The following ETS2 variants were observed in gnomAD, a reference collection of about 807,000 sequenced individuals.
The protein encoded by ETS2 is ETS proto-oncogene 2, transcription factor, also known as protein C-ets-2.
ETS2 carries 19 observed loss-of-function variants against 54.9 expected under a neutral mutation model. The observed-to-expected ratio is 0.35, with a 90% CI of 0.24 to 0.51. The LOEUF (loss-of-function observed/expected upper bound fraction) is 0.51. ETS2 is among the 20% of genes least tolerant of loss of function. ETS2 has a pLI of 0.97. For missense variants in ETS2, 417 were observed against 593.0 expected (o/e 0.70, Z 3.08); for synonymous variants, 219 against 229.3 (o/e 0.95, Z 0.41).
In ETS2 at chr21:38,806,375, G is replaced by T. The variant is rs2060893057; in HGVS notation, c.-1+255G>T. ...CGGGGGGTTCCTGCGTGCTAGGGCC[G>T]CTGTCTTCGGGGTCGCCTAGCGGCG... On this transcript the variant is annotated intron_variant, in intron 1 of 9. Coordinates refer to ENST00000360938, the MANE Select transcript of ETS2 (RefSeq NM_005239.6). The surrounding 1 kb of genome is among the most constrained non-coding windows in gnomAD (Gnocchi z 4.3). 5.1e-6 allele frequency: 5 copies of T among 984,722 alleles called. No homozygotes were observed. The African/African-American group carries it at 8.7e-5, about 17-fold the overall frequency. The allele number at this position is 984,722 out of a possible 1,614,324, so 61.0% of individuals were successfully genotyped here. A position where few individuals can be genotyped will look rare whatever the true frequency, so the allele number is the denominator to read the frequency against.
In ETS2 at chr21:38,821,146, C is replaced by T. The variant is rs1226857139; in HGVS notation, c.1076-440C>T. Among the ~76,000 whole-genome samples the T allele has an allele frequency of 6.6e-6, 1 of 152,186 alleles. No individual in the cohort carries two copies. Among genetic ancestry groups the T allele is most frequent in the South Asian group, 2.1e-4 (1 of 4,834 alleles). Reference sequence around the variant, plus strand: ...ATGGGATCCCACGTATGACACGCCTCATTCTGTGATGAAACACCCCCTCAG... The same window carrying T: ...ATGGGATCCCACGTATGACACGCCTTATTCTGTGATGAAACACCCCCTCAG... On this transcript the variant is annotated intron_variant, in intron 8 of 9. Transcript: ENST00000360938. This position sits in a 1 kb window ranked among gnomAD's most constrained non-coding sequence, Gnocchi z 4.2.
intron 7 of ETS2, among the ~76,000 whole-genome samples, chr21:38,819,277 C>T (rs1025466893): frequency 6.6e-6 from 1 of 152,072 alleles, no homozygotes; most frequent in Non-Finnish European, 1.5e-5. Context: ...GTATAGTATT[C>T]CATTATAAGA....
chr21:38,805,537 G>A (rs1270908717), upstream of ETS2: 1 of 1,286,910 alleles, frequency 7.8e-7, no homozygotes, highest in Non-Finnish European at 1.0e-6. The surrounding 1 kb of genome is among the most constrained non-coding windows in gnomAD (Gnocchi z 5.2). Context: ...GCGCGCACGT[G>A]GGGCCGAGGC....
At position 38,822,354 on chromosome 21, in the gene ETS2, G is replaced by A. The variant is rs1308826950; in HGVS notation, c.1195-320G>A. Reference sequence around the variant, plus strand: ...CAGTAGTTGGAATATCCAGCCTGGAGGGTGGGTGACACCACCTTTCCCTGG... The same window carrying A: ...CAGTAGTTGGAATATCCAGCCTGGAAGGTGGGTGACACCACCTTTCCCTGG... On this transcript the variant is annotated intron_variant, in intron 9 of 9. Transcript: ENST00000360938. Among the ~76,000 whole-genome samples the A allele has an allele frequency of 4.6e-5, 7 of 152,316 alleles. No individual in the cohort carries two copies. In the South Asian group the frequency reaches 6.2e-4, roughly 14 times the overall value.
Position 38,821,860 on chromosome 21 carries a change from A to G in ETS2, c.1194+156A>G, listed in dbSNP as rs1268107434. Among the ~76,000 whole-genome samples the G allele has an allele frequency of 6.6e-6, 1 of 152,164 alleles. No individual in the cohort carries two copies. The highest frequency in any genetic ancestry group is 1.5e-5 in the Non-Finnish European group (1 of 68,038). ...TTGGCTGTTGGGAAAATGGAAGTGG[A>G]GTCATTGCTTTGTTGATAAACGTGT... On this transcript the variant is annotated intron_variant, in intron 9 of 9. Transcript: ENST00000360938. This position sits in a 1 kb window ranked among gnomAD's most constrained non-coding sequence, Gnocchi z 4.2.
In ETS2 at chr21:38,822,727, G is replaced by A. The variant is rs758941509; in HGVS notation, c.1248G>A (p.Lys416=). 13 of 1,614,038 alleles carry A rather than the reference G, an allele frequency of 8.1e-6. No individual in the cohort carries two copies. Among genetic ancestry groups the A allele is most frequent in the African/African-American group, 1.3e-5 (1 of 74,934 alleles). ...ATAAGCCCAAGATGAACTACGAGAAGCTGAGCCGGGGCTTACGCTACTATT... is the reference window on the plus strand; with the variant it reads ...ATAAGCCCAAGATGAACTACGAGAAACTGAGCCGGGGCTTACGCTACTATT... ...RKNKPKMNYE[K]LSRGLRYYYD... Residue 416 remains lysine (K), a synonymous_variant, in exon 10 of 10, where the codon AAG becomes AAA. Transcript: ENST00000360938.
rs775683010 is a variant in ETS2 at position 38,814,858 on chromosome 21, A to C, written c.382A>C (p.Asn128His). The C allele has an allele frequency of 6.2e-7, 1 of 1,614,190 alleles. No individual in the cohort carries two copies. Among genetic ancestry groups the C allele is most frequent in the Non-Finnish European group, 8.5e-7 (1 of 1,180,034 alleles). ...CAATGAGTTCAGTCTGGTGAACGTG[A>C]ATCTGCAGAGGTTCGGCATGAATGG... ...ATNEFSLVNVNLQRFGMNGQM... is the reference protein window; with the variant it reads ...ATNEFSLVNVHLQRFGMNGQM... The change falls in exon 5 of 10, where the codon AAT becomes CAT. Residue 128 changes from asparagine to histidine, a missense_variant. By Grantham distance (68) the Asn-to-His change is moderately conservative (BLOSUM62 1). Transcript: ENST00000360938. The surrounding 1 kb of genome is among the most constrained non-coding windows in gnomAD (Gnocchi z 4.2).
chr21:38,814,635 A>C lies in ETS2; in HGVS notation c.305-146A>C, dbSNP rs966110776. 2 of 804,122 alleles carry C rather than the reference A, an allele frequency of 2.5e-6. No individual in the cohort carries two copies. Among genetic ancestry groups the C allele is most frequent in the South Asian group, 3.4e-5 (2 of 58,600 alleles). 49.8% of individuals were successfully genotyped at this position (804,122 alleles called of 1,614,324 possible). ...TGAAATGTGCCTGGGTCGTGTCAGA[A>C]TGGTGACGTGTCATCATGGTATCTT... is the stretch of plus-strand genomic sequence containing the variant. On this transcript the variant is annotated intron_variant, in intron 4 of 9. Coordinates refer to ENST00000360938, the MANE Select transcript of ETS2 (RefSeq NM_005239.6). This position sits in a 1 kb window ranked among gnomAD's most constrained non-coding sequence, Gnocchi z 4.2.
upstream of ETS2, chr21:38,805,776 T>A: frequency 1.4e-6 from 1 of 702,274 alleles, no homozygotes; most frequent in Non-Finnish European, 1.9e-6. This position sits in a 1 kb window ranked among gnomAD's most constrained non-coding sequence, Gnocchi z 5.2. Flanking sequence ...CCTACCTCCC[T>A]TCCCCTCCTC....
chr21:38,822,939 A>G lies in ETS2; in HGVS notation c.*50A>G, dbSNP rs1282647630. 1.4e-6 allele frequency: 2 copies of G among 1,399,802 alleles called. No individual in the cohort carries two copies. Among genetic ancestry groups the G allele is most frequent in the Non-Finnish European group, 1.9e-6 (2 of 1,046,496 alleles). The allele number at this position is 1,399,802 out of a possible 1,614,324, so 86.7% of individuals were successfully genotyped here. On this transcript the variant is annotated 3_prime_UTR_variant, in exon 10 of 10. Coordinates refer to ENST00000360938, the MANE Select transcript of ETS2 (RefSeq NM_005239.6). Reference sequence around the variant, plus strand: ...GCCCCAGGCTCGTGGACTGAGTGGGAAGCCCATCCTGACCAGCTGCTCCGA... The same window carrying G: ...GCCCCAGGCTCGTGGACTGAGTGGGGAGCCCATCCTGACCAGCTGCTCCGA...
At position 38,817,514 on chromosome 21, in the gene ETS2, A is replaced by T. The variant is rs975573886; in HGVS notation, c.589+423A>T. On this transcript the variant is annotated intron_variant, in intron 6 of 9. Coordinates refer to ENST00000360938, the MANE Select transcript of ETS2 (RefSeq NM_005239.6). ...TCCATAGGTCAGCACTGTTAGTGCT[A>T]GTCCAGGCAATTCTTAGAGCAAGGA... 3.3e-5 allele frequency among the ~76,000 whole-genome samples: 5 copies of T among 152,240 alleles called. No individual in the cohort carries two copies. In the East Asian group the frequency reaches 9.6e-4, roughly 29 times the overall value.
chr21:38,820,899 G>A (rs945193782), intron 8 of ETS2, among the ~76,000 whole-genome samples: 4 of 152,204 alleles, frequency 2.6e-5, no homozygotes, highest in Non-Finnish European at 5.9e-5. Flanking sequence ...TGGCCTCTGA[G>A]CCGCATCTTA....
chr21:38,814,522 TGAGC>T lies in ETS2; in HGVS notation c.304+131_304+134del. 1 of 1,166,482 alleles carries T rather than the reference TGAGC, an allele frequency of 8.6e-7. No homozygotes were observed. The highest frequency in any genetic ancestry group is 1.2e-6 in the Non-Finnish European group (1 of 832,506). The allele number at this position is 1,166,482 out of a possible 1,614,324, so 72.3% of individuals were successfully genotyped here. ...AAGAGTAGCATGGATGTCGTTAACC[TGAGC>T]CAGTTTCTGTTTCACCCCAATCAAC... On this transcript the variant is annotated intron_variant, in intron 4 of 9. Transcript: ENST00000360938. This position sits in a 1 kb window ranked among gnomAD's most constrained non-coding sequence, Gnocchi z 4.2.
intron 8 of ETS2, 112 bp downstream of exon 8, chr21:38,819,878 C>T: frequency 9.9e-7 from 1 of 1,005,482 alleles, no homozygotes; most frequent in Non-Finnish European, 1.4e-6. Flanking sequence ...CTAGGTACAC[C>T]AGTGCTCTAC....
At chr21:38,811,568 C>T (rs924208928) in intron 2 of ETS2, among the ~76,000 whole-genome samples, 1 of 152,170 alleles carries the variant, frequency 6.6e-6, no homozygotes, top group Non-Finnish European at 1.5e-5. Flanking sequence ...GGATTTCCAG[C>T]TTATGTTGGA....
At chr21:38,822,626 T>G in intron 9 of ETS2, 48 bp from the exon 10 acceptor site, 1 of 1,495,500 alleles carries the variant, frequency 6.7e-7, no homozygotes, top group Non-Finnish European at 9.2e-7. Flanking sequence ...TCACTTTTTC[T>G]TCATTGACAA....
chr21:38,819,813 T>C, intron 8 of ETS2, 47 bp downstream of exon 8: 3 of 1,569,696 alleles, frequency 1.9e-6, no homozygotes, highest in Non-Finnish European at 2.6e-6. Flanking sequence ...TCCTGGGTCC[T>C]GTCCCTTGCT....
chr21:38,817,771 G>A (rs954421728), intron 6 of ETS2, among the ~76,000 whole-genome samples: 1 of 152,170 alleles, frequency 6.6e-6, no homozygotes, highest in Non-Finnish European at 1.5e-5. Context: ...GCAGGCTTGG[G>A]TGGTGTTGGT....
chr21:38,824,834 T>A lies in ETS2; in HGVS notation c.*1945T>A, dbSNP rs770642591. The A allele has an allele frequency of 6.6e-6, 1 of 152,632 alleles. No homozygotes were observed. Among genetic ancestry groups the A allele is most frequent in the Non-Finnish European group, 1.5e-5 (1 of 68,036 alleles). 9.5% of individuals were successfully genotyped at this position (152,632 alleles called of 1,614,324 possible). On this transcript the variant is annotated 3_prime_UTR_variant, in exon 10 of 10. Transcript: ENST00000360938. ...AGAAGGAGTTTCATGGGGTTCAGCC[T>A]AACAGTTATGGAAACTACAGTCCTT...
Sources: gnomAD v4.1 joint callset for allele counts (sites outside exome capture counted in the v4.1 genomes callset) on GRCh38, gnomAD v4.1.1 for gene constraint, Gnocchi (gnomAD v3.1) non-coding constraint, MANE v1.5 for transcripts, NCBI Gene and HGNC (gene_info 2026-07-23, HGNC 2026-07-21) for gene names.